The following DAB1 variants were observed in gnomAD, a reference collection of about 807,000 sequenced individuals.
DAB1 encodes disabled homolog 1.
Under a neutral mutation model 64.6 loss-of-function variants are expected in DAB1, and 15 were observed. The observed-to-expected ratio is 0.23, with a 90% CI of 0.16 to 0.36. The LOEUF is 0.36. DAB1 is among the 10% of genes least tolerant of loss of function. The pLI is 1.00. For synonymous variants in DAB1, 235 were observed against 251.9 expected, an observed-to-expected ratio of 0.93 and a Z score of 0.64; for missense variants, 596 against 706.7, an observed-to-expected ratio of 0.84 and a Z score of 1.78.
At chr1:57,855,025 C>T (rs1286928127) in intron 1 of DAB1, among the ~76,000 whole-genome samples, 1 of 152,068 alleles carries the variant, frequency 6.6e-6, no homozygotes, top group Admixed American at 6.5e-5. Flanking sequence ...AATATCCTGG[C>T]CTTGCTAACA....
chr1:57,982,530 T>C (rs1031269062), intron 5 of DAB1, among the ~76,000 whole-genome samples: 2 of 152,188 alleles, frequency 1.3e-5, no homozygotes, highest in Admixed American at 1.3e-4. Context: ...AGCTCATCTA[T>C]GGGTATTACT....
intron 3 of DAB1, among the ~76,000 whole-genome samples, chr1:58,423,171 T>C (rs758842183): frequency 7.9e-5 from 12 of 152,210 alleles, no homozygotes; most frequent in African/African-American, 2.9e-4. Context: ...ATATAAAGCC[T>C]GAGAAACCTC....
At chr1:58,323,162 C>A (rs1662731753) in intron 4 of DAB1, among the ~76,000 whole-genome samples, 1 of 151,816 alleles carries the variant, frequency 6.6e-6, no homozygotes, top group African/African-American at 2.4e-5. Flanking sequence ...ATGGGTGCAG[C>A]ACATCAACAT....
Position 57,160,230 on chromosome 1 carries a change from G to A in DAB1, c.68-14801C>T, listed in dbSNP as rs144638714. 3.4e-3 allele frequency among the ~76,000 whole-genome samples: 512 copies of A among 152,320 alleles called. 2 individuals are homozygous for A. The highest frequency in any genetic ancestry group is 0.012 in the African/African-American group (494 of 41,570). On this transcript the variant is annotated intron_variant, in intron 2 of 14. Transcript: ENST00000371236. Reference sequence around the variant, plus strand: ...ATTTCATGTTGATACCACTCTGCAAGGCAGGCACAGAATAGGCTTTAAACA... The same window carrying A: ...ATTTCATGTTGATACCACTCTGCAAAGCAGGCACAGAATAGGCTTTAAACA...
chr1:57,224,722 C>T (rs745672712), intron 2 of DAB1, among the ~76,000 whole-genome samples: 1 of 152,228 alleles, frequency 6.6e-6, no homozygotes, highest in Non-Finnish European at 1.5e-5. Context: ...CATAGAGCTT[C>T]CAAATCTCTT....
At chr1:58,205,798 AAGG>A (rs1658241376) in intron 4 of DAB1, among the ~76,000 whole-genome samples, 2 of 152,062 alleles carry the variant, frequency 1.3e-5, no homozygotes, top group African/African-American at 4.8e-5. Context: ...GCATAGGTGT[AAGG>A]AACAGTCCTA....
At chr1:58,013,806 C>T (rs1373303921) in intron 5 of DAB1, among the ~76,000 whole-genome samples, 2 of 152,122 alleles carry the variant, frequency 1.3e-5, no homozygotes, top group Non-Finnish European at 2.9e-5. Context: ...TGAAATCAGT[C>T]ATGGTGGGAG....
intron 1 of DAB1, among the ~76,000 whole-genome samples, chr1:57,842,364 C>T (rs1399754745): frequency 1.3e-5 from 2 of 152,110 alleles, no homozygotes; most frequent in African/African-American, 2.4e-5. Context: ...TCTCTTTGAG[C>T]CCTCCAAACT....
chr1:58,090,648 C>T (rs768201053), intron 5 of DAB1, among the ~76,000 whole-genome samples: 1 of 152,266 alleles, frequency 6.6e-6, no homozygotes, highest in Non-Finnish European at 1.5e-5. Context: ...TTTCCTAAAT[C>T]TGAACCCTCA....
chr1:58,028,939 A>G (rs1646933571), intron 5 of DAB1, among the ~76,000 whole-genome samples: 1 of 152,148 alleles, frequency 6.6e-6, no homozygotes, highest in Non-Finnish European at 1.5e-5. Flanking sequence ...TACCCCCTCC[A>G]TGTCTGGTTA....
chr1:57,502,331 A>AAG (rs1553188301), intron 7 of DAB1, among the ~76,000 whole-genome samples: 11 of 150,658 alleles, frequency 7.3e-5, no homozygotes, highest in Admixed American at 5.3e-4. Flanking sequence ...AAAAAAAAAA[A>AAG]AAAAAAAGAA....
intron 1 of DAB1, among the ~76,000 whole-genome samples, chr1:57,363,000 A>G (rs1299517128): frequency 6.6e-6 from 1 of 152,230 alleles, no homozygotes; most frequent in Non-Finnish European, 1.5e-5. Flanking sequence ...CTCAAAAGAT[A>G]GATTATTACT....
chr1:58,543,399 T>C (rs1646651710), intron 1 of DAB1, among the ~76,000 whole-genome samples: 1 of 152,196 alleles, frequency 6.6e-6, no homozygotes, highest in Non-Finnish European at 1.5e-5. Context: ...CTACAGCAAC[T>C]TTAGCATCCA....
chr1:58,183,132 T>C (rs1315618937), intron 4 of DAB1, among the ~76,000 whole-genome samples: 1 of 152,046 alleles, frequency 6.6e-6, no homozygotes, highest in African/African-American at 2.4e-5. Flanking sequence ...CATAGTGTAG[T>C]GATCATGTTG....
At chr1:57,208,659 A>G (rs979011125) in intron 2 of DAB1, among the ~76,000 whole-genome samples, 6 of 152,232 alleles carry the variant, frequency 3.9e-5, no homozygotes, top group African/African-American at 1.4e-4. Context: ...TAATGAATCC[A>G]TTCTTCCTTG....
rs564205021 is a variant in DAB1, at chr1:57,147,048, T to C, written c.68-1619A>G. Among the ~76,000 whole-genome samples, 380 of 139,512 alleles carry C rather than the reference T, an allele frequency of 2.7e-3. 1 individual carries two copies. The highest frequency in any genetic ancestry group is 4.2e-3 in the Non-Finnish European group (274 of 65,024). The allele number at this position is 139,512 out of a possible 152,430, so 91.5% of individuals were successfully genotyped here. ...CCACTGTTTTTCTTTTTTTTTTTTTTGAAACAGTATCTCACTTCATCACCC... is the reference window on the plus strand; with the variant it reads ...CCACTGTTTTTCTTTTTTTTTTTTTCGAAACAGTATCTCACTTCATCACCC... On this transcript the variant is annotated intron_variant, in intron 2 of 14. Coordinates refer to ENST00000371236, the MANE Select transcript of DAB1 (RefSeq NM_001365792.1).
chr1:57,814,578 C>G (rs1459066199), intron 6 of DAB1, among the ~76,000 whole-genome samples: 2 of 152,196 alleles, frequency 1.3e-5, no homozygotes, highest in Non-Finnish European at 2.9e-5. Context: ...GTATTTAAAT[C>G]TGTTTCCTTC....
intron 5 of DAB1, among the ~76,000 whole-genome samples, chr1:58,076,319 G>A (rs1236376301): frequency 1.3e-5 from 2 of 152,126 alleles, no homozygotes; most frequent in African/African-American, 4.8e-5. Context: ...TGATAAGCAG[G>A]AGATCAGAGA....
At chr1:57,210,733 A>C (rs1410105131) in intron 2 of DAB1, among the ~76,000 whole-genome samples, 1 of 152,216 alleles carries the variant, frequency 6.6e-6, no homozygotes, top group African/African-American at 2.4e-5. Context: ...ATTTGGTTTC[A>C]AAAGGAAGGC....
Sources: allele counts gnomAD v4.1 joint callset (sites outside exome capture counted in the v4.1 genomes callset), GRCh38; gene constraint gnomAD v4.1.1; transcripts MANE v1.5; gene names NCBI Gene and HGNC (gene_info 2026-07-23, HGNC 2026-07-21).